The following CNTN6 variants were observed in gnomAD, a reference collection of about 807,000 sequenced individuals.
CNTN6 encodes contactin-6.
A neutral mutation model predicts 122.8 loss-of-function variants in CNTN6; 137 were observed. That is an observed-to-expected ratio of 1.12 (90% confidence interval 0.97 to 1.29). CNTN6 has a LOEUF of 1.29. Ranked by LOEUF, CNTN6 falls within the 50% of genes most tolerant of loss-of-function variation. The pLI, the probability that CNTN6 is intolerant of heterozygous loss-of-function variation, is 0.00. For missense variants in CNTN6, 1,634 were observed against 1,223.4 expected (o/e 1.34, Z -5.01); for synonymous variants, 570 against 426.0 (o/e 1.34, Z -4.16).
intron 1 of CNTN6, among the ~76,000 whole-genome samples, chr3:1,121,360 T>C (rs550869981): frequency 2.0e-5 from 3 of 152,042 alleles, no homozygotes; most frequent in East Asian, 3.9e-4. Flanking sequence ...GAAACATCAG[T>C]ATTCCATAGC....
intron 1 of CNTN6, among the ~76,000 whole-genome samples, chr3:1,138,752 T>A (rs1287792001): frequency 6.6e-6 from 1 of 151,894 alleles, no homozygotes. Flanking sequence ...TTTAGTTTTT[T>A]AAAAAATTTG....
At chr3:1,335,892 G>A (rs1301429321) in intron 11 of CNTN6, among the ~76,000 whole-genome samples, 1 of 151,894 alleles carries the variant, frequency 6.6e-6, no homozygotes, top group Non-Finnish European at 1.5e-5. Flanking sequence ...GGAATGGGGT[G>A]GAACATGGTG....
chr3:1,314,995 C>G (rs1699894748), intron 7 of CNTN6, among the ~76,000 whole-genome samples: 1 of 151,786 alleles, frequency 6.6e-6, no homozygotes, highest in Non-Finnish European at 1.5e-5. Context: ...TGCATCCAAG[C>G]TCAATTTTTG....
chr3:1,161,769 T>TACAC (rs558137459), intron 2 of CNTN6, among the ~76,000 whole-genome samples: 3,105 of 143,088 alleles, frequency 0.022, 82 homozygotes, highest in African/African-American at 0.056. Flanking sequence ...TATATATGTA[T>TACAC]ACACACACAC....
chr3:1,251,947 A>G (rs1223865826), intron 4 of CNTN6, among the ~76,000 whole-genome samples: 1 of 152,144 alleles, frequency 6.6e-6, no homozygotes, highest in Non-Finnish European at 1.5e-5. Flanking sequence ...TGTCAAGGTA[A>G]TCTGGCACTC....
intron 4 of CNTN6, among the ~76,000 whole-genome samples, chr3:1,242,369 G>C (rs1240252493): frequency 2.0e-5 from 3 of 149,796 alleles, no homozygotes; most frequent in Non-Finnish European, 4.4e-5. Flanking sequence ...CCACAGGGTG[G>C]ATGGCAAAAC....
chr3:1,135,269 A>G (rs2092442742), intron 1 of CNTN6, among the ~76,000 whole-genome samples: 1 of 152,052 alleles, frequency 6.6e-6, no homozygotes. Context: ...TTACAGCATC[A>G]CTGTTGACAG....
At chr3:1,377,136 C>T in intron 17 of CNTN6, 61 bp downstream of exon 17, 1 of 1,162,314 alleles carries the variant, frequency 8.6e-7, no homozygotes, top group Non-Finnish European at 1.3e-6. Flanking sequence ...CAGAAAGAAA[C>T]TGAAAAACAA....
chr3:1,258,927 C>T (rs944434126), intron 4 of CNTN6, among the ~76,000 whole-genome samples: 1 of 152,072 alleles, frequency 6.6e-6, no homozygotes, highest in African/African-American at 2.4e-5. Flanking sequence ...TGTAAAGAGC[C>T]AGATAGTAAA....
At position 1,321,773 on chromosome 3, in the gene CNTN6, T is replaced by C; in HGVS notation, c.885T>C (p.Tyr295=). 1 of 1,611,884 alleles carries C rather than the reference T, an allele frequency of 6.2e-7. No homozygotes were observed. Residue 295 remains tyrosine (Y), a synonymous_variant, in exon 8 of 23, where the codon TAT becomes TAC. Coordinates refer to ENST00000446702, the MANE Select transcript of CNTN6 (RefSeq NM_001289080.2). ...TCCAACAAGAAGATGAAGGCTTTTA[T>C]GAGTGCATTGCAAGCAACCTTCGAG... The part of the protein sequence containing the change: ...PNFQQEDEGF[Y]ECIASNLRGR...
At chr3:1,232,727 G>T (rs775145300) in intron 4 of CNTN6, among the ~76,000 whole-genome samples, 2 of 152,180 alleles carry the variant, frequency 1.3e-5, no homozygotes, top group Non-Finnish European at 2.9e-5. Context: ...AAAACATCAA[G>T]TGAAGTGAGA....
chr3:1,332,529 A>AGGAAGGAAGGAAGGAG (rs1333164125), intron 11 of CNTN6, among the ~76,000 whole-genome samples: 17 of 97,424 alleles, frequency 1.7e-4, no homozygotes, highest in Middle Eastern at 4.9e-3. Context: ...GAAGGAAGGA[A>AGGAAGGAAGGAAGGAG]GGAGGGAGGG....
chr3:1,309,105 T>C (rs1416882891), intron 7 of CNTN6, among the ~76,000 whole-genome samples: 4 of 152,200 alleles, frequency 2.6e-5, no homozygotes, highest in African/African-American at 9.6e-5. Context: ...TCCTTAACAA[T>C]GTCCTTAACA....
At chr3:1,180,517 G>A (rs527868847) in intron 2 of CNTN6, among the ~76,000 whole-genome samples, 8 of 152,142 alleles carry the variant, frequency 5.3e-5, no homozygotes, top group Admixed American at 3.9e-4. Context: ...TAAAATCCAG[G>A]TTTACTAAAT....
chr3:1,341,083 T>A (rs1366142317), intron 11 of CNTN6, among the ~76,000 whole-genome samples: 1 of 152,142 alleles, frequency 6.6e-6, no homozygotes, highest in Admixed American at 6.6e-5. Flanking sequence ...AGGCAGAATG[T>A]CCTCACAATG....
intron 2 of CNTN6, among the ~76,000 whole-genome samples, chr3:1,213,144 C>G (rs1197991271): frequency 1.3e-5 from 2 of 152,130 alleles, no homozygotes; most frequent in Non-Finnish European, 2.9e-5. Context: ...AACCACTAAT[C>G]ATTCTCACAA....
At chr3:1,152,239 T>TA (rs1291519144) in intron 2 of CNTN6, among the ~76,000 whole-genome samples, 1 of 151,840 alleles carries the variant, frequency 6.6e-6, no homozygotes, top group Non-Finnish European at 1.5e-5. Flanking sequence ...CCTGGGTTCA[T>TA]ACAATTCTCC....
At chr3:1,203,536 T>C (rs1411280330) in intron 2 of CNTN6, among the ~76,000 whole-genome samples, 2 of 152,178 alleles carry the variant, frequency 1.3e-5, no homozygotes, top group African/African-American at 4.8e-5. Flanking sequence ...ATGATACACA[T>C]GAAAATGAGG....
Position 1,401,458 on chromosome 3 carries a change from T to C in CNTN6, c.2730T>C (p.Ile910=). 1 of 1,612,034 alleles carries C rather than the reference T, an allele frequency of 6.2e-7. No individual in the cohort carries two copies. Among genetic ancestry groups the C allele is most frequent in the East Asian group, 2.2e-5 (1 of 44,794 alleles). The stretch of plus-strand genomic sequence containing the variant: ...CTCCAAGCCAACCACCAGCAAACAT[T>C]GCCTGGAAGCTGACAAACTCTAAAT... The part of the protein sequence containing the change: ...KSPPSQPPAN[I]AWKLTNSKLC... The change falls in exon 21 of 23, where the codon ATT becomes ATC. Residue 910 remains isoleucine, a synonymous_variant. Transcript: ENST00000446702.
Sources: allele counts gnomAD v4.1 joint callset (sites outside exome capture counted in the v4.1 genomes callset), GRCh38; gene constraint gnomAD v4.1.1; transcripts MANE v1.5; gene names NCBI Gene and HGNC (gene_info 2026-07-23, HGNC 2026-07-21).